NDUFS4: variants seen among roughly 807,000 people sequenced by gnomAD.
NDUFS4 encodes the protein NADH:ubiquinone oxidoreductase subunit S4.
In NDUFS4, 28 loss-of-function variants were observed where a neutral mutation model predicts 24.3. The ratio of observed to expected loss-of-function variants is 1.15; its 90% CI spans 0.85 to 1.58. The LOEUF (loss-of-function observed/expected upper bound fraction) is 1.58. Among genes scored for constraint, NDUFS4 ranks in the 40% most tolerant of loss-of-function variants. The pLI is 0.00. For synonymous variants in NDUFS4, 93 were observed against 69.7 expected (o/e 1.34, Z -1.67); for missense variants, 223 against 207.9 (o/e 1.07, Z -0.45).
chr5:53,585,903 T>C (rs544498511), intron 1 of NDUFS4, among the ~76,000 whole-genome samples: 7 of 152,360 alleles, frequency 4.6e-5, no homozygotes, highest in Middle Eastern at 3.4e-3. Flanking sequence ...TTTGAAACTA[T>C]TGGAATTTTC....
At position 53,594,258 on chromosome 5, in the gene NDUFS4, G is replaced by A. The variant is rs192679821; in HGVS notation, c.99-9194G>A. ...ACACTAACGATTGTTACATCTTGTT[G>A]GAGAACTGACCCCTTTATCACTATC... On this transcript the variant is annotated intron_variant, in intron 1 of 4. Coordinates refer to ENST00000296684, the MANE Select transcript of NDUFS4 (RefSeq NM_002495.4). Among the ~76,000 whole-genome samples, 337 of 152,110 alleles carry A rather than the reference G, an allele frequency of 2.2e-3. 5 individuals carry two copies. The highest frequency in any genetic ancestry group is 7.5e-3 in the African/African-American group (313 of 41,544).
chr5:53,651,247 CTT>C (rs377532128), intron 3 of NDUFS4, among the ~76,000 whole-genome samples: 1 of 151,790 alleles, frequency 6.6e-6, no homozygotes, highest in African/African-American at 2.4e-5. Context: ...AATTGCTACT[CTT>C]TTTTTAGCAT....
chr5:53,608,821 A>G (rs1344061262), intron 2 of NDUFS4, among the ~76,000 whole-genome samples: 1 of 152,190 alleles, frequency 6.6e-6, no homozygotes, highest in Non-Finnish European at 1.5e-5. Flanking sequence ...AGGACATGCC[A>G]TGTCAAAATA....
At chr5:53,682,337 C>CAGA (rs1197098336) in intron 4 of NDUFS4, among the ~76,000 whole-genome samples, 23 of 152,012 alleles carry the variant, frequency 1.5e-4, no homozygotes, top group African/African-American at 5.3e-4. Flanking sequence ...TATAAATACT[C>CAGA]AGAAGAGAAT....
At chr5:53,670,689 GA>G (rs900720550) in intron 4 of NDUFS4, among the ~76,000 whole-genome samples, 3 of 150,612 alleles carry the variant, frequency 2.0e-5, no homozygotes, top group African/African-American at 7.3e-5. Context: ...TGAGAAACAG[GA>G]AACTCATATC....
chr5:53,620,105 G>A (rs1405074141), intron 2 of NDUFS4, among the ~76,000 whole-genome samples: 4 of 151,272 alleles, frequency 2.6e-5, no homozygotes, highest in African/African-American at 4.9e-5. Context: ...AACATCGCAA[G>A]ACCCCATCTC....
chr5:53,604,664 C>A (rs999752226), intron 2 of NDUFS4: 1 of 439,222 alleles, frequency 2.3e-6, no homozygotes, highest in East Asian at 7.0e-5. Context: ...AGAGTAAACA[C>A]TAAAATCCTA....
rs752503310 is a variant in NDUFS4, at chr5:53,655,244, G to T, written c.351-3307G>T. Among the ~76,000 whole-genome samples the T allele has an allele frequency of 2.6e-5, 4 of 152,116 alleles. No individual in the cohort carries two copies. The South Asian group carries it at 6.2e-4, about 24-fold the overall frequency. On this transcript the variant is annotated intron_variant, in intron 3 of 4. Coordinates refer to ENST00000296684, the MANE Select transcript of NDUFS4 (RefSeq NM_002495.4). ...CACACATGCATGTGAGTAGTACCCA[G>T]ATGGAGAAACAGCATTTCCAGTATC...
At chr5:53,599,539 T>A (rs756687202) in intron 1 of NDUFS4, among the ~76,000 whole-genome samples, 6 of 152,180 alleles carry the variant, frequency 3.9e-5, no homozygotes, top group African/African-American at 9.6e-5. Context: ...CATTAGCCAT[T>A]TGTATATCTT....
At chr5:53,604,924 T>C (rs1198499996) in intron 2 of NDUFS4, 3 of 455,084 alleles carry the variant, frequency 6.6e-6, no homozygotes, top group African/African-American at 6.0e-5. Flanking sequence ...CTTAGTCAAG[T>C]ATAAAAGAAA....
chr5:53,624,427 G>A (rs937431817), intron 2 of NDUFS4, among the ~76,000 whole-genome samples: 10 of 152,232 alleles, frequency 6.6e-5, no homozygotes, highest in Non-Finnish European at 1.3e-4. Flanking sequence ...ATTGCTTTGG[G>A]TAGTATTGTC....
intron 4 of NDUFS4, among the ~76,000 whole-genome samples, chr5:53,660,227 C>T (rs1319314708): frequency 2.0e-5 from 3 of 149,356 alleles, no homozygotes; most frequent in African/African-American, 7.4e-5. Context: ...AATTCCCCAC[C>T]TATGAGTGAG....
intron 4 of NDUFS4, among the ~76,000 whole-genome samples, chr5:53,662,478 A>G (rs533805051): frequency 6.6e-6 from 1 of 152,138 alleles, no homozygotes; most frequent in Non-Finnish European, 1.5e-5. Flanking sequence ...TGTCTCTGCC[A>G]GGCTTTGGTA....
At chr5:53,567,112 G>A (rs1414485614) in intron 1 of NDUFS4, among the ~76,000 whole-genome samples, 1 of 152,030 alleles carries the variant, frequency 6.6e-6, no homozygotes, top group East Asian at 1.9e-4. Context: ...ACCTCCCAAA[G>A]TGCTGGAATT....
intron 3 of NDUFS4, among the ~76,000 whole-genome samples, chr5:53,650,325 G>A (rs368461): frequency 0.26 from 39,202 of 152,090 alleles, 6,733 homozygotes; most frequent in African/African-American, 0.48. Flanking sequence ...TTGTGGCTGA[G>A]ACATCTATAA....
chr5:53,609,816 C>T lies in NDUFS4; in HGVS notation c.177+6286C>T, dbSNP rs111847492. Among the ~76,000 whole-genome samples the T allele has an allele frequency of 7.9e-5, 12 of 152,242 alleles. No individual in the cohort carries two copies. The South Asian group carries it at 2.5e-3, about 32-fold the overall frequency. ...TTTATATTATATAGATGGCTTCCTC[C>T]TTAGACCTCATGAGCCAACCTCTGC... On this transcript the variant is annotated intron_variant, in intron 2 of 4. Transcript: ENST00000296684.
chr5:53,574,050 T>C (rs1450748997), intron 1 of NDUFS4, among the ~76,000 whole-genome samples: 1 of 152,212 alleles, frequency 6.6e-6, no homozygotes, highest in Admixed American at 6.5e-5. Flanking sequence ...AATCATGCAG[T>C]CCGTGAATAG....
chr5:53,602,180 T>C lies in NDUFS4; in HGVS notation c.99-1272T>C, dbSNP rs372842399. On this transcript the variant is annotated intron_variant, in intron 1 of 4. Transcript: ENST00000296684. Reference sequence around the variant, plus strand: ...TGTAATATGTGGATTTGTTTAAAAGTATTTAAATTTTTTAATTGCCATGTT... The same window carrying C: ...TGTAATATGTGGATTTGTTTAAAAGCATTTAAATTTTTTAATTGCCATGTT... Among the ~76,000 whole-genome samples the C allele has an allele frequency of 2.6e-4, 39 of 152,334 alleles. No individual in the cohort carries two copies. In the South Asian group the frequency reaches 7.9e-3, roughly 31 times the overall value.
Position 53,620,040 on chromosome 5 carries a change from G to A in NDUFS4, c.177+16510G>A, listed in dbSNP as rs1396129347. ...TTAGTATCAACATTTTAGGCCAGGC[G>A]CAGTGGCAAGGTGGGAGGATTGCCT... On this transcript the variant is annotated intron_variant, in intron 2 of 4. Coordinates refer to ENST00000296684, the MANE Select transcript of NDUFS4 (RefSeq NM_002495.4). 7.2e-5 allele frequency among the ~76,000 whole-genome samples: 11 copies of A among 151,966 alleles called. No homozygotes were observed. The South Asian group carries it at 1.7e-3, about 23-fold the overall frequency.
Sources: gnomAD v4.1 joint callset for allele counts (sites outside exome capture counted in the v4.1 genomes callset) on GRCh38, gnomAD v4.1.1 for gene constraint, MANE v1.5 for transcripts, NCBI Gene and HGNC (gene_info 2026-07-23, HGNC 2026-07-21) for gene names.